The following DACH2 variants were observed in gnomAD, a reference collection of about 807,000 sequenced individuals.
The protein encoded by DACH2 is dachshund family transcription factor 2.
In DACH2, 17 loss-of-function variants were observed where a neutral mutation model predicts 35.8. The ratio of observed to expected loss-of-function variants is 0.48; its 90% CI spans 0.33 to 0.71. The LOEUF (loss-of-function observed/expected upper bound fraction) is 0.71, where lower values mean the gene tolerates loss of function less well. Among genes scored for constraint, DACH2 ranks in the 30% least tolerant of loss-of-function variants. The pLI, the probability that DACH2 is intolerant of heterozygous loss-of-function variation, is 0.02. For missense variants in DACH2, 469 were observed against 472.7 expected, an observed-to-expected ratio of 0.99 and a Z score of 0.07; for synonymous variants, 195 against 177.3, an observed-to-expected ratio of 1.10 and a Z score of -0.79.
intron 7 of DACH2, among the ~76,000 whole-genome samples, chrX:86,776,231 C>T (rs1444064480): frequency 9.0e-6 from 1 of 111,352 alleles, no homozygotes; most frequent in East Asian, 2.8e-4. Flanking sequence ...TCTAGAGGCT[C>T]AAGAGTCCAA....
In DACH2 at chrX:86,683,461, G is replaced by C. The variant is rs6653110; in HGVS notation, c.773-11560G>C. 3.6e-5 allele frequency among the ~76,000 whole-genome samples: 4 copies of C among 111,374 alleles called. No homozygotes were observed. The East Asian group carries it at 1.1e-3, about 32-fold the overall frequency. On this transcript the variant is annotated intron_variant, in intron 4 of 11. Transcript: ENST00000373125. ...AAGTAGCCTAGTAAAGCCGTATCTG[G>C]AGTCCTCATTTTCAGTGTTTTACTG... is the stretch of plus-strand genomic sequence containing the variant.
At chrX:86,788,259 C>T (rs2042157226) in intron 7 of DACH2, among the ~76,000 whole-genome samples, 1 of 110,905 alleles carries the variant, frequency 9.0e-6, no homozygotes, top group African/African-American at 3.3e-5. Context: ...CTCCTGAGAT[C>T]TCACTGGGAA....
At chrX:86,646,927 T>A (rs1038530577) in intron 3 of DACH2, among the ~76,000 whole-genome samples, 1 of 109,421 alleles carries the variant, frequency 9.1e-6, no homozygotes, top group African/African-American at 3.3e-5. Flanking sequence ...AAAAACATGT[T>A]CAACATCACT....
chrX:86,295,329 A>G (rs935495947), intron 1 of DACH2, among the ~76,000 whole-genome samples: 2 of 111,837 alleles, frequency 1.8e-5, no homozygotes, highest in Admixed American at 9.4e-5. Context: ...TGCACTCCCT[A>G]GTGAGATGAA....
At chrX:86,422,306 A>G (rs1469921715) in intron 2 of DACH2, among the ~76,000 whole-genome samples, 1 of 110,629 alleles carries the variant, frequency 9.0e-6, no homozygotes, top group African/African-American at 3.3e-5. Context: ...TCAAAAGACT[A>G]TTTTGTCCTT....
intron 1 of DACH2, among the ~76,000 whole-genome samples, chrX:86,324,293 C>T (rs1361503951): frequency 1.2e-4 from 13 of 111,907 alleles, no homozygotes; most frequent in Non-Finnish European, 2.4e-4. Context: ...CATTTTAAAA[C>T]TTGAATGGCT....
intron 1 of DACH2, among the ~76,000 whole-genome samples, chrX:86,268,911 C>T (rs761627045): frequency 9.0e-5 from 10 of 110,901 alleles, no homozygotes; most frequent in African/African-American, 3.3e-4. Context: ...TACAGGCATG[C>T]GATCTATAAT....
chrX:86,550,023 A>G (rs759815669), intron 3 of DACH2, among the ~76,000 whole-genome samples: 11 of 111,679 alleles, frequency 9.8e-5, no homozygotes, highest in African/African-American at 3.6e-4. Context: ...AAATGTGTAT[A>G]TCTGTAAAGA....
At chrX:86,614,186 C>A (rs368355012) in intron 3 of DACH2, among the ~76,000 whole-genome samples, 5 of 111,217 alleles carry the variant, frequency 4.5e-5, no homozygotes, top group African/African-American at 1.6e-4. Flanking sequence ...ATTATCTAGA[C>A]GGATAAGTGA....
At chrX:86,658,862 T>A (rs181818374) in intron 4 of DACH2, among the ~76,000 whole-genome samples, 1 of 111,753 alleles carries the variant, frequency 8.9e-6, no homozygotes, top group Non-Finnish European at 1.9e-5. Context: ...CTATGCTCAG[T>A]GATGTTCTCT....
chrX:86,148,510 A>T lies in DACH2; in HGVS notation c.-111A>T. ...GAAGACTTGCGAACAGTTCGGAGCC[A>T]GCGAGAGCGCGCCAGAGAGAGCGAG... On this transcript the variant is annotated 5_prime_UTR_variant, in exon 1 of 12. Transcript: ENST00000373125. 4 of 925,691 alleles carry T rather than the reference A, an allele frequency of 4.3e-6. No individual in the cohort carries two copies. The highest frequency in any genetic ancestry group is 5.8e-6 in the Non-Finnish European group (4 of 685,258). 76.3% of individuals were successfully genotyped at this position (925,691 alleles called of 1,213,427 possible).
intron 4 of DACH2, among the ~76,000 whole-genome samples, chrX:86,665,970 T>A (rs7062444): frequency 3.8e-3 from 422 of 111,563 alleles, no homozygotes; most frequent in African/African-American, 0.013. Context: ...CATACAGGAC[T>A]TCTTTGGGAG....
At chrX:86,582,257 A>G (rs887463128) in intron 3 of DACH2, among the ~76,000 whole-genome samples, 4 of 111,412 alleles carry the variant, frequency 3.6e-5, no homozygotes, top group Non-Finnish European at 5.7e-5. Flanking sequence ...AAAAAGTTAA[A>G]AAGATCTGAA....
chrX:86,761,614 A>G (rs768479755), intron 7 of DACH2, among the ~76,000 whole-genome samples: 8 of 111,899 alleles, frequency 7.1e-5, no homozygotes, highest in Non-Finnish European at 1.5e-4. Context: ...TTATTGCAGC[A>G]CTATTTACAA....
chrX:86,390,368 C>T lies in DACH2; in HGVS notation c.527+13506C>T, dbSNP rs192233533. Among the ~76,000 whole-genome samples the T allele has an allele frequency of 1.8e-3, 197 of 110,726 alleles. 1 individual carries two copies. Among genetic ancestry groups the T allele is most frequent in the Non-Finnish European group, 3.3e-3 (174 of 52,947 alleles). On this transcript the variant is annotated intron_variant, in intron 2 of 11. Coordinates refer to ENST00000373125, the MANE Select transcript of DACH2 (RefSeq NM_053281.3). ...AATGATAATATCCTTATACAGGAGG[C>T]GGGAGAAGGGGAGAGGGAGTGCAGG...
chrX:86,366,124 C>A lies in DACH2; in HGVS notation c.489-10700C>A, dbSNP rs1283931423. Among the ~76,000 whole-genome samples the A allele has an allele frequency of 3.6e-5, 4 of 111,165 alleles. No homozygotes were observed. In the South Asian group the frequency reaches 1.1e-3, roughly 32 times the overall value. On this transcript the variant is annotated intron_variant, in intron 1 of 11. Coordinates refer to ENST00000373125, the MANE Select transcript of DACH2 (RefSeq NM_053281.3). ...TTTGTGTACATTGTCTTTTGCTAGA[C>A]ACTACAAGGAGATATCCATTTGGTG...
chrX:86,150,368 A>T (rs2030321924), intron 1 of DACH2, among the ~76,000 whole-genome samples: 1 of 112,533 alleles, frequency 8.9e-6, no homozygotes, highest in Admixed American at 9.4e-5. Context: ...TGGGTCTGTG[A>T]ACTAAAACTG....
At chrX:86,482,664 G>T (rs2037954819) in intron 2 of DACH2, among the ~76,000 whole-genome samples, 1 of 107,242 alleles carries the variant, frequency 9.3e-6, no homozygotes, top group Admixed American at 1.0e-4. Context: ...CAGTGTAAAA[G>T]TGTTCCTATT....
At chrX:86,360,312 C>T (rs1336719984) in intron 1 of DACH2, among the ~76,000 whole-genome samples, 1 of 110,891 alleles carries the variant, frequency 9.0e-6, no homozygotes, top group Non-Finnish European at 1.9e-5. Context: ...CAAGGATTTT[C>T]CCCTTATGCC....
Sources: gnomAD v4.1 joint callset for allele counts (sites outside exome capture counted in the v4.1 genomes callset) on GRCh38, gnomAD v4.1.1 for gene constraint, MANE v1.5 for transcripts, NCBI Gene and HGNC (gene_info 2026-07-23, HGNC 2026-07-21) for gene names.